Variants in PARN observed in about 807,000 individuals in gnomAD.
The protein encoded by PARN is poly(A)-specific ribonuclease.
A neutral mutation model predicts 102.8 loss-of-function variants in PARN; 71 were observed. That is an observed-to-expected ratio of 0.69 (90% CI 0.57 to 0.84). PARN has a LOEUF of 0.84. Among genes scored for constraint, PARN ranks in the 40% least tolerant of loss-of-function variants. The pLI is 0.00. For synonymous variants in PARN, 261 were observed against 252.9 expected, an observed-to-expected ratio of 1.03 and a Z score of -0.30; for missense variants, 782 against 760.9, an observed-to-expected ratio of 1.03 and a Z score of -0.33.
intron 13 of PARN, among the ~76,000 whole-genome samples, chr16:14,589,743 GT>G (rs1339663231): frequency 6.6e-6 from 1 of 151,488 alleles, no homozygotes; most frequent in African/African-American, 2.4e-5. Flanking sequence ...GCAAGCGCCT[GT>G]TAATTCTAGC....
Position 14,474,125 on chromosome 16 carries a change from T to C in PARN, c.1670+8513A>G, listed in dbSNP as rs1173195543. Among the ~76,000 whole-genome samples the C allele has an allele frequency of 1.3e-5, 2 of 152,182 alleles. 1 individual carries two copies. Among genetic ancestry groups the C allele is most frequent in the Admixed American group, 1.3e-4 (2 of 15,270 alleles). ...GTACCACCTCAACCTCCTGAGTATC[T>C]GGGACTATAGGCATGGGCCACCATG... On this transcript the variant is annotated intron_variant, in intron 22 of 23. Transcript: ENST00000437198.
intron 21 of PARN, among the ~76,000 whole-genome samples, chr16:14,508,798 G>A (rs1965036427): frequency 1.3e-5 from 2 of 150,828 alleles, no homozygotes; most frequent in South Asian, 2.1e-4. Context: ...GGTGGCTAAC[G>A]CCTATAATCC....
At chr16:14,466,513 T>C (rs2151578998) in intron 22 of PARN, among the ~76,000 whole-genome samples, 1 of 152,324 alleles carries the variant, frequency 6.6e-6, no homozygotes, top group South Asian at 2.1e-4. Context: ...CTTTTGTAAA[T>C]TTGTAACGTG....
At chr16:14,451,217 C>T (rs915955252) in intron 22 of PARN, among the ~76,000 whole-genome samples, 21 of 152,216 alleles carry the variant, frequency 1.4e-4, no homozygotes, top group East Asian at 7.7e-4. Context: ...ACCGTTCATG[C>T]TAAGACCCTA....
intron 21 of PARN, among the ~76,000 whole-genome samples, chr16:14,501,006 T>C (rs1409878614): frequency 6.6e-6 from 1 of 152,140 alleles, no homozygotes; most frequent in African/African-American, 2.4e-5. Flanking sequence ...CCCAGGGAAA[T>C]AGTCCAGAGG....
chr16:14,467,824 G>A (rs1323332177), intron 22 of PARN, among the ~76,000 whole-genome samples: 6 of 152,290 alleles, frequency 3.9e-5, no homozygotes, highest in South Asian at 2.1e-4. Flanking sequence ...TTCCTAACAC[G>A]ACTTTATACT....
intron 3 of PARN, 146 bp downstream of exon 3, chr16:14,628,026 A>C (rs1374334396): frequency 6.1e-6 from 4 of 651,128 alleles, no homozygotes; most frequent in African/African-American, 3.7e-5. Context: ...GACAAAACAA[A>C]AAAAAAAATC....
chr16:14,620,644 C>G (rs1308593187), intron 5 of PARN, among the ~76,000 whole-genome samples: 1 of 152,166 alleles, frequency 6.6e-6, no homozygotes, highest in African/African-American at 2.4e-5. Flanking sequence ...TTAAACTTAT[C>G]ACAGTACTGA....
At chr16:14,625,206 A>G (rs969030115) in intron 5 of PARN, among the ~76,000 whole-genome samples, 1 of 151,936 alleles carries the variant, frequency 6.6e-6, no homozygotes, top group Non-Finnish European at 1.5e-5. Flanking sequence ...ACCAAAAAAA[A>G]AACAAAACAA....
chr16:14,520,442 T>C (rs554514622), intron 21 of PARN, among the ~76,000 whole-genome samples: 9 of 152,116 alleles, frequency 5.9e-5, no homozygotes, highest in Non-Finnish European at 1.3e-4. Context: ...AAAAATAATC[T>C]GTGGGCCAGG....
chr16:14,551,179 G>A (rs1000203969), intron 21 of PARN, among the ~76,000 whole-genome samples: 8 of 151,750 alleles, frequency 5.3e-5, no homozygotes, highest in African/African-American at 1.9e-4. Context: ...TGATCCGCCT[G>A]CCTCGGCCTC....
At chr16:14,463,991 G>A (rs190201861) in intron 22 of PARN, among the ~76,000 whole-genome samples, 294 of 152,190 alleles carry the variant, frequency 1.9e-3, no homozygotes, top group Non-Finnish European at 2.6e-3. Context: ...GTGCCACCAC[G>A]TCCAGCTAAT....
At position 14,620,763 on chromosome 16, in the gene PARN, G is replaced by A. The variant is rs529060888; in HGVS notation, c.328-3113C>T. Among the ~76,000 whole-genome samples, 4 of 152,262 alleles carry A rather than the reference G, an allele frequency of 2.6e-5. No individual in the cohort carries two copies. In the South Asian group the frequency reaches 8.3e-4, roughly 32 times the overall value. On this transcript the variant is annotated intron_variant, in intron 5 of 23. Transcript: ENST00000437198. ...CTGGGGAAAGCTATACTAATCCTGAGTTCTGGATTGTCCTAATCCTATGGA... is the reference window on the plus strand; with the variant it reads ...CTGGGGAAAGCTATACTAATCCTGAATTCTGGATTGTCCTAATCCTATGGA...
chr16:14,598,779 G>A (rs986746927), intron 12 of PARN, among the ~76,000 whole-genome samples: 2 of 152,098 alleles, frequency 1.3e-5, no homozygotes, highest in Admixed American at 6.6e-5. Flanking sequence ...TCCCTACAGC[G>A]CCCCTGTGTT....
At chr16:14,439,064 GA>G (rs1174535771) in intron 23 of PARN, among the ~76,000 whole-genome samples, 2 of 152,132 alleles carry the variant, frequency 1.3e-5, no homozygotes, top group Admixed American at 1.3e-4. Context: ...AATCATTTAG[GA>G]ACAACTTTTC....
chr16:14,620,107 G>C (rs1295925262), intron 5 of PARN, among the ~76,000 whole-genome samples: 8 of 133,708 alleles, frequency 6.0e-5, no homozygotes, highest in South Asian at 4.8e-4. Context: ...GCCGGGCACA[G>C]TGGCTCATGC....
In PARN at chr16:14,499,841, C is replaced by T. The variant is rs1322141548; in HGVS notation, c.1481-17014G>A. 2.0e-5 allele frequency among the ~76,000 whole-genome samples: 3 copies of T among 152,272 alleles called. No homozygotes were observed. In the East Asian group the frequency reaches 5.8e-4, roughly 29 times the overall value. On this transcript the variant is annotated intron_variant, in intron 21 of 23. Transcript: ENST00000437198. ...GCCTGGGAAACAAAGGGAACCCTGTCTCCAAAAAATGTTTTAAATAAAAAC... is the reference window on the plus strand; with the variant it reads ...GCCTGGGAAACAAAGGGAACCCTGTTTCCAAAAAATGTTTTAAATAAAAAC...
chr16:14,494,836 G>A (rs996799280), intron 21 of PARN, among the ~76,000 whole-genome samples: 1 of 152,160 alleles, frequency 6.6e-6, no homozygotes, highest in African/African-American at 2.4e-5. Flanking sequence ...ACAGTTCTCC[G>A]AGTCCTAGCC....
chr16:14,478,179 G>A (rs1963177604), intron 22 of PARN, among the ~76,000 whole-genome samples: 2 of 152,064 alleles, frequency 1.3e-5, no homozygotes, highest in Non-Finnish European at 2.9e-5. Context: ...AGCCAAGTGT[G>A]GTGGTGCACA....
Sources: allele counts gnomAD v4.1 joint callset (sites outside exome capture counted in the v4.1 genomes callset), GRCh38; gene constraint gnomAD v4.1.1; transcripts MANE v1.5; gene names NCBI Gene and HGNC (gene_info 2026-07-23, HGNC 2026-07-21).